SEPTIN9: variants seen among roughly 807,000 people sequenced by gnomAD.
SEPTIN9 encodes the protein septin-9.
SEPTIN9 carries 13 observed loss-of-function variants against 56.6 expected under a neutral mutation model. The ratio of observed to expected loss-of-function variants is 0.23; its 90% CI spans 0.15 to 0.37. SEPTIN9 has a LOEUF of 0.37. Ranked by LOEUF, SEPTIN9 falls within the 10% of genes least tolerant of loss-of-function variation. The pLI is 1.00. For synonymous variants in SEPTIN9, 332 were observed against 334.1 expected (o/e 0.99, Z 0.07); for missense variants, 650 against 823.1 (o/e 0.79, Z 2.57).
At chr17:77,477,154 G>C (rs985960205) in intron 3 of SEPTIN9, among the ~76,000 whole-genome samples, 1 of 134,942 alleles carries the variant, frequency 7.4e-6, no homozygotes, top group African/African-American at 2.8e-5. Flanking sequence ...TTCCTCTCCC[G>C]TCCTCATGGG....
chr17:77,451,421 G>A lies in SEPTIN9; in HGVS notation c.722-30723G>A, dbSNP rs112943424. On this transcript the variant is annotated intron_variant, in intron 3 of 11. Transcript: ENST00000427177. This position sits in a 1 kb window ranked among gnomAD's most constrained non-coding sequence, Gnocchi z 4.2. ...CGCGCTCTGGGAGGCTCCTTGTTCC[G>A]CGACCACAAAGCCCCTTTGATCCTC... 7 of 985,488 alleles carry A rather than the reference G, an allele frequency of 7.1e-6. No individual in the cohort carries two copies. Among genetic ancestry groups the A allele is most frequent in the Non-Finnish European group, 8.4e-6 (7 of 830,078 alleles). 61.0% of individuals were successfully genotyped at this position (985,488 alleles called of 1,614,324 possible).
chr17:77,407,542 G>GT (rs34903366), intron 3 of SEPTIN9, among the ~76,000 whole-genome samples: 11,010 of 152,040 alleles, frequency 0.072, 1,213 homozygotes, highest in African/African-American at 0.23. Context: ...CAGTGGGTGG[G>GT]TGTTGGCTTC....
At chr17:77,404,295 C>T (rs937336245) in intron 3 of SEPTIN9, among the ~76,000 whole-genome samples, 6 of 152,116 alleles carry the variant, frequency 3.9e-5, no homozygotes, top group Non-Finnish European at 5.9e-5. Flanking sequence ...TCCAGGCTGG[C>T]GTGCAGTGGT....
chr17:77,373,920 C>T (rs2034818651), intron 2 of SEPTIN9: 1 of 218,864 alleles, frequency 4.6e-6, no homozygotes, highest in African/African-American at 2.3e-5. Context: ...CACAGTTTCA[C>T]TCTGGGAAAT....
chr17:77,418,642 C>T (rs1342030504), intron 3 of SEPTIN9, among the ~76,000 whole-genome samples: 3 of 152,220 alleles, frequency 2.0e-5, no homozygotes, highest in African/African-American at 7.2e-5. Context: ...CACGCCCAGC[C>T]TCCAGCTCTG....
chr17:77,488,153 TG>T, intron 5 of SEPTIN9, 86 bp from the exon 6 acceptor site: 2 of 1,236,036 alleles, frequency 1.6e-6, no homozygotes, highest in Non-Finnish European at 2.4e-6. Context: ...GCTGCCTACC[TG>T]GGGTTGCCCC....
In SEPTIN9 at chr17:77,451,595, C is replaced by T. The variant is rs993989060; in HGVS notation, c.722-30549C>T. On this transcript the variant is annotated intron_variant, in intron 3 of 11. Transcript: ENST00000427177. This position sits in a 1 kb window ranked among gnomAD's most constrained non-coding sequence, Gnocchi z 4.2. ...GCTCGGGGGCTCTCAGGTGGCGCGG[C>T]CGCGAGGCGGACCCTGATGGCCATG... 1.0e-6 allele frequency: 1 copy of T among 972,284 alleles called. No homozygotes were observed. Among genetic ancestry groups the T allele is most frequent in the Non-Finnish European group, 1.2e-6 (1 of 817,960 alleles). 60.2% of individuals were successfully genotyped at this position (972,284 alleles called of 1,614,324 possible).
rs139583742 is a variant in SEPTIN9, at chr17:77,432,958, G to A, written c.721+30255G>A. ...GGGGACAGTTCAGGGCTGGGGGTGG[G>A]TAGTGGTGTCTGCAGGCCCTCTTGG... On this transcript the variant is annotated intron_variant, in intron 3 of 11. Coordinates refer to ENST00000427177, the MANE Select transcript of SEPTIN9 (RefSeq NM_001113491.2). Among the ~76,000 whole-genome samples the A allele has an allele frequency of 8.9e-3, 1,350 of 152,272 alleles. 9 individuals carry two copies. The highest frequency in any genetic ancestry group is 0.011 in the Non-Finnish European group (756 of 68,016).
At chr17:77,350,344 T>C (rs1435394945) in intron 2 of SEPTIN9, among the ~76,000 whole-genome samples, 1 of 152,194 alleles carries the variant, frequency 6.6e-6, no homozygotes, top group Non-Finnish European at 1.5e-5. Context: ...CTCACCCTTC[T>C]CTCTGTTCTT....
intron 3 of SEPTIN9, among the ~76,000 whole-genome samples, chr17:77,455,047 T>C (rs1018730970): frequency 7.9e-5 from 12 of 151,298 alleles, no homozygotes; most frequent in African/African-American, 2.7e-4. Context: ...TGGCTCTCTT[T>C]CTTTTTTTTT....
chr17:77,497,692 C>T (rs1022340406), intron 11 of SEPTIN9: 18 of 457,578 alleles, frequency 3.9e-5, no homozygotes, highest in African/African-American at 1.6e-4. Flanking sequence ...CAGGCCCTGC[C>T]GGCAGCGTGG....
rs1185691527 is a variant in SEPTIN9 at position 77,318,374 on chromosome 17, A to T, written c.76+11177A>T. Among the ~76,000 whole-genome samples the T allele has an allele frequency of 6.6e-6, 1 of 151,738 alleles. No homozygotes were observed. Among genetic ancestry groups the T allele is most frequent in the Non-Finnish European group, 1.5e-5 (1 of 67,910 alleles). On this transcript the variant is annotated intron_variant, in intron 2 of 11. Transcript: ENST00000427177. The surrounding 1 kb of genome is among the most constrained non-coding windows in gnomAD (Gnocchi z 4.9). The stretch of plus-strand genomic sequence containing the variant: ...ATGAGCACCGAGACTGCCTTTAGGG[A>T]CCACCTAGACCATCCAGGGTGCTCT...
At chr17:77,442,291 G>C (rs951355084) in intron 3 of SEPTIN9, 1 of 151,896 alleles carries the variant, frequency 6.6e-6, no homozygotes, top group Non-Finnish European at 1.5e-5. Context: ...TCCGCCTCCC[G>C]GGTTCAAGCG....
intron 2 of SEPTIN9, among the ~76,000 whole-genome samples, chr17:77,308,899 G>T (rs2032372510): frequency 6.6e-6 from 1 of 152,268 alleles, no homozygotes; most frequent in Non-Finnish European, 1.5e-5. Context: ...TACAGGATGG[G>T]ACTGTATGTG....
At chr17:77,397,724 A>C (rs2035767119) in intron 2 of SEPTIN9, among the ~76,000 whole-genome samples, 1 of 152,106 alleles carries the variant, frequency 6.6e-6, no homozygotes, top group South Asian at 2.1e-4. Flanking sequence ...ATCTGGGCTC[A>C]CTGCAACCTC....
At position 77,319,982 on chromosome 17, in the gene SEPTIN9, G is replaced by T. The variant is rs2032847655; in HGVS notation, c.76+12785G>T. On this transcript the variant is annotated intron_variant, in intron 2 of 11. Coordinates refer to ENST00000427177, the MANE Select transcript of SEPTIN9 (RefSeq NM_001113491.2). The surrounding 1 kb of genome is among the most constrained non-coding windows in gnomAD (Gnocchi z 5.3). ...GGCCGGGACTCTGGGACTCTCGCAG[G>T]CAGACCCGGTGGTCTGCCGGACTCC... 1 of 1,220,416 alleles carries T rather than the reference G, an allele frequency of 8.2e-7. No individual in the cohort carries two copies. Among genetic ancestry groups the T allele is most frequent in the African/African-American group, 1.5e-5 (1 of 65,240 alleles). The allele number at this position is 1,220,416 out of a possible 1,614,324, so 75.6% of individuals were successfully genotyped here. A position where few individuals can be genotyped will look rare whatever the true frequency, so the allele number is the denominator to read the frequency against.
Position 77,480,917 on chromosome 17 carries a change from G to A in SEPTIN9, c.722-1227G>A, listed in dbSNP as rs547613890. Among the ~76,000 whole-genome samples, 13 of 152,314 alleles carry A rather than the reference G, an allele frequency of 8.5e-5. No individual in the cohort carries two copies. The South Asian group carries it at 2.3e-3, about 27-fold the overall frequency. On this transcript the variant is annotated intron_variant, in intron 3 of 11. Coordinates refer to ENST00000427177, the MANE Select transcript of SEPTIN9 (RefSeq NM_001113491.2). ...ACAGAACAGCAGCCGCCCAGCCTGC[G>A]TGGGAGCTGAGGGCCACCAAGGGCA...
chr17:77,450,469 A>G lies in SEPTIN9; in HGVS notation c.722-31675A>G, dbSNP rs765701834. On this transcript the variant is annotated intron_variant, in intron 3 of 11. Coordinates refer to ENST00000427177, the MANE Select transcript of SEPTIN9 (RefSeq NM_001113491.2). This position sits in a 1 kb window ranked among gnomAD's most constrained non-coding sequence, Gnocchi z 6.0. ...CAGCCCCCAGCAAGCCCTCGGAACG[A>G]GCCCACTCCCAGGCGCTCTCTCCTA... 4.3e-5 allele frequency: 42 copies of G among 985,172 alleles called. No individual in the cohort carries two copies. The highest frequency in any genetic ancestry group is 4.9e-5 in the Non-Finnish European group (41 of 829,852). 61.0% of individuals were successfully genotyped at this position (985,172 alleles called of 1,614,324 possible). A position where few individuals can be genotyped will look rare whatever the true frequency, so the allele number is the denominator to read the frequency against.
At chr17:77,498,416 G>C (rs2040365277) in intron 11 of SEPTIN9, 107 bp from the exon 12 acceptor site, 1 of 702,822 alleles carries the variant, frequency 1.4e-6, no homozygotes, top group Non-Finnish European at 2.5e-6. Context: ...GAGTGGGGGT[G>C]GGGGCAGGCG....
Sources: gnomAD v4.1 joint callset for allele counts (sites outside exome capture counted in the v4.1 genomes callset) on GRCh38, gnomAD v4.1.1 for gene constraint, Gnocchi (gnomAD v3.1) non-coding constraint, MANE v1.5 for transcripts, NCBI Gene and HGNC (gene_info 2026-07-23, HGNC 2026-07-21) for gene names.